The following ERBB4 variants were observed in gnomAD, a reference collection of about 807,000 sequenced individuals.
ERBB4 encodes receptor tyrosine-protein kinase erbB-4.
In ERBB4, 42 loss-of-function variants were observed where a neutral mutation model predicts 158.0. The ratio of observed to expected loss-of-function variants is 0.27; its 90% confidence interval spans 0.21 to 0.34. ERBB4 has a LOEUF of 0.34. Among genes scored for constraint, ERBB4 ranks in the 10% least tolerant of loss-of-function variants. ERBB4 has a pLI of 1.00. For synonymous variants in ERBB4, 583 were observed against 558.7 expected (o/e 1.04, Z -0.61); for missense variants, 1,333 against 1,624.1 (o/e 0.82, Z 3.08).
intron 1 of ERBB4, among the ~76,000 whole-genome samples, chr2:212,450,411 A>T (rs2092428145): frequency 1.3e-5 from 2 of 152,126 alleles, no homozygotes; most frequent in South Asian, 4.1e-4. Flanking sequence ...GGAAAGAAAA[A>T]GAAAGTTCAG....
intron 1 of ERBB4, among the ~76,000 whole-genome samples, chr2:212,214,068 C>T (rs535340726): frequency 6.6e-6 from 1 of 151,798 alleles, no homozygotes; most frequent in Non-Finnish European, 1.5e-5. Context: ...AATTCCTGAT[C>T]CTTACAATTG....
At chr2:211,775,030 T>C (rs1366107250) in intron 4 of ERBB4, among the ~76,000 whole-genome samples, 2 of 152,192 alleles carry the variant, frequency 1.3e-5, no homozygotes, top group African/African-American at 2.4e-5. Context: ...GTGGTGCTAA[T>C]AATTTTTACT....
At chr2:211,940,928 G>T (rs919398981) in intron 3 of ERBB4, among the ~76,000 whole-genome samples, 8 of 152,194 alleles carry the variant, frequency 5.3e-5, no homozygotes, top group Admixed American at 3.3e-4. Context: ...AGCAAAATTT[G>T]CTGAAATGGC....
At chr2:211,735,448 TC>T (rs1378144970) in intron 5 of ERBB4, among the ~76,000 whole-genome samples, 1 of 152,150 alleles carries the variant, frequency 6.6e-6, no homozygotes, top group Non-Finnish European at 1.5e-5. Flanking sequence ...AATGTAAAAA[TC>T]AAAAGGACTA....
At chr2:211,473,864 T>C (rs2064890309) in intron 20 of ERBB4, among the ~76,000 whole-genome samples, 1 of 152,008 alleles carries the variant, frequency 6.6e-6, no homozygotes, top group Non-Finnish European at 1.5e-5. Flanking sequence ...AAATACCAAA[T>C]TGAATTGAAG....
intron 20 of ERBB4, among the ~76,000 whole-genome samples, chr2:211,440,287 G>T (rs149662956): frequency 2.6e-5 from 4 of 152,252 alleles, no homozygotes; most frequent in African/African-American, 9.6e-5. Flanking sequence ...CTACTCCTTA[G>T]GCAGCCAATC....
chr2:212,528,228 C>T (rs1386168990), intron 1 of ERBB4, among the ~76,000 whole-genome samples: 1 of 152,042 alleles, frequency 6.6e-6, no homozygotes, highest in African/African-American at 2.4e-5. Context: ...CCCTTTCTTG[C>T]ACAGTGGGCA....
At chr2:211,702,618 A>G (rs2073293472) in intron 11 of ERBB4, among the ~76,000 whole-genome samples, 1 of 152,186 alleles carries the variant, frequency 6.6e-6, no homozygotes, top group Non-Finnish European at 1.5e-5. Flanking sequence ...AAATGATTAT[A>G]GGTATTTAGC....
At chr2:212,113,766 G>C (rs559049881) in intron 2 of ERBB4, among the ~76,000 whole-genome samples, 1 of 151,990 alleles carries the variant, frequency 6.6e-6, no homozygotes, top group Non-Finnish European at 1.5e-5. Context: ...TTCTATGTAA[G>C]AGTGTAAATA....
At chr2:211,933,770 G>A (rs1234885884) in intron 3 of ERBB4, among the ~76,000 whole-genome samples, 2 of 151,938 alleles carry the variant, frequency 1.3e-5, no homozygotes, top group Non-Finnish European at 2.9e-5. Flanking sequence ...GGGGTTAGAC[G>A]ATCTTTAAAT....
chr2:212,506,435 C>CT (rs1676233404), intron 1 of ERBB4, among the ~76,000 whole-genome samples: 5 of 124,010 alleles, frequency 4.0e-5, no homozygotes, highest in Admixed American at 3.1e-4. Context: ...CAGGCAAAAG[C>CT]TAGGCCTTGT....
At chr2:212,217,253 T>A (rs2105942325) in intron 1 of ERBB4, among the ~76,000 whole-genome samples, 1 of 151,284 alleles carries the variant, frequency 6.6e-6, no homozygotes, top group East Asian at 1.9e-4. Context: ...AAAAGGGTCT[T>A]CTGTGGAACT....
At chr2:211,526,996 G>A (rs1261423118) in intron 20 of ERBB4, among the ~76,000 whole-genome samples, 2 of 151,940 alleles carry the variant, frequency 1.3e-5, no homozygotes, top group African/African-American at 4.8e-5. Flanking sequence ...GCCTTAATGA[G>A]GAGACAGAGA....
At position 211,788,171 on chromosome 2, in the gene ERBB4, A is replaced by G; in HGVS notation, c.422-12T>C. On this transcript the variant is annotated splice_polypyrimidine_tract_variant and intron_variant, in intron 3 of 27. Coordinates refer to ENST00000342788, the MANE Select transcript of ERBB4 (RefSeq NM_005235.3). ...ACCATTTAGGATTTCTGTATTAAAA[A>G]ACAAATAAACAAATTTTTTGTCAAA... is the stretch of plus-strand genomic sequence containing the variant. The G allele has an allele frequency of 6.2e-7, 1 of 1,605,492 alleles. No individual in the cohort carries two copies. The highest frequency in any genetic ancestry group is 2.2e-5 in the East Asian group (1 of 44,718).
At chr2:211,903,339 C>T (rs1442247780) in intron 3 of ERBB4, among the ~76,000 whole-genome samples, 3 of 152,014 alleles carry the variant, frequency 2.0e-5, no homozygotes, top group African/African-American at 4.8e-5. Flanking sequence ...TACAGTTTAA[C>T]TAAATTTGAT....
At chr2:212,267,050 A>T (rs2085161834) in intron 1 of ERBB4, among the ~76,000 whole-genome samples, 1 of 151,776 alleles carries the variant, frequency 6.6e-6, no homozygotes, top group Non-Finnish European at 1.5e-5. Context: ...TGTAGTGTAG[A>T]TCATTAAATG....
At chr2:211,839,156 AGGAGG>A (rs2077411004) in intron 3 of ERBB4, among the ~76,000 whole-genome samples, 11 of 10,880 alleles carry the variant, frequency 1.0e-3, no homozygotes, top group Admixed American at 5.9e-3. Context: ...AGAGAGAAGG[AGGAGG>A]AGGAGGAGGA....
At chr2:211,644,182 T>C (rs2070702319) in intron 16 of ERBB4, among the ~76,000 whole-genome samples, 1 of 152,042 alleles carries the variant, frequency 6.6e-6, no homozygotes, top group Non-Finnish European at 1.5e-5. Flanking sequence ...TGCACCCCAT[T>C]TTAAATTATG....
intron 3 of ERBB4, among the ~76,000 whole-genome samples, chr2:211,904,972 G>A (rs1337250620): frequency 6.6e-6 from 1 of 152,124 alleles, no homozygotes; most frequent in Non-Finnish European, 1.5e-5. Context: ...ACATAGCTGA[G>A]AGAATATCCA....
Sources: gnomAD v4.1 joint callset for allele counts (sites outside exome capture counted in the v4.1 genomes callset) on GRCh38, gnomAD v4.1.1 for gene constraint, MANE v1.5 for transcripts, NCBI Gene and HGNC (gene_info 2026-07-23, HGNC 2026-07-21) for gene names.